The following UGT1A10 variants were observed in gnomAD, a reference collection of about 807,000 sequenced individuals.
UGT1A10 encodes the protein UDP glucuronosyltransferase family 1 member A10.
In UGT1A10, 49 loss-of-function variants were observed where a neutral mutation model predicts 45.8. The observed-to-expected ratio is 1.07, with a 90% CI of 0.85 to 1.36. The LOEUF (loss-of-function observed/expected upper bound fraction) is 1.36. UGT1A10 is among the 40% of genes most tolerant of loss of function. UGT1A10 has a pLI of 0.00. For missense variants in UGT1A10, 745 were observed against 668.6 expected, an observed-to-expected ratio of 1.11 and a Z score of -1.26; for synonymous variants, 284 against 249.7, an observed-to-expected ratio of 1.14 and a Z score of -1.29.
intron 1 of UGT1A10, among the ~76,000 whole-genome samples, chr2:233,732,068 C>T (rs1485941196): frequency 6.6e-6 from 1 of 152,198 alleles, no homozygotes; most frequent in Non-Finnish European, 1.5e-5. Flanking sequence ...TGTCTGTTGG[C>T]TGCATAAATG....
chr2:233,718,145 A>G (rs1314627858), intron 1 of UGT1A10: 1 of 232,528 alleles, frequency 4.3e-6, no homozygotes, highest in Non-Finnish European at 8.9e-6. Flanking sequence ...AATCCTCAAT[A>G]AAGCCTTCCC....
Position 233,724,773 on chromosome 2 carries a change from C to T in UGT1A10, c.856-42261C>T, listed in dbSNP as rs1185900341. 1.4e-5 allele frequency among the ~76,000 whole-genome samples: 2 copies of T among 142,472 alleles called. 1 individual carries two copies. Among genetic ancestry groups the T allele is most frequent in the African/African-American group, 5.4e-5 (2 of 37,242 alleles). 93.5% of individuals were successfully genotyped at this position (142,472 alleles called of 152,430 possible). ...CAGACGATGGGCGGCCAGGCAGAGACACTCCTCACTTCCCAGACGGGGTGG... is the reference window on the plus strand; with the variant it reads ...CAGACGATGGGCGGCCAGGCAGAGATACTCCTCACTTCCCAGACGGGGTGG... On this transcript the variant is annotated intron_variant, in intron 1 of 4. Transcript: ENST00000344644.
At chr2:233,706,570 A>G (rs1030888429) in intron 1 of UGT1A10, among the ~76,000 whole-genome samples, 1 of 152,166 alleles carries the variant, frequency 6.6e-6, no homozygotes, top group African/African-American at 2.4e-5. Context: ...ACCTTAGGGT[A>G]AGAGTGGAGA....
intron 1 of UGT1A10, chr2:233,690,698 A>G (rs1327185756): frequency 8.1e-7 from 1 of 1,235,234 alleles, no homozygotes; most frequent in Non-Finnish European, 1.0e-6. Context: ...GCTACTCTTT[A>G]GGGATCGTCA....
At chr2:233,682,426 C>G in intron 1 of UGT1A10, 2 of 1,613,888 alleles carry the variant, frequency 1.2e-6, no homozygotes, top group Non-Finnish European at 1.7e-6. Flanking sequence ...ATTTCTCCCT[C>G]CCCTCTGTGG....
At chr2:233,670,028 C>T (rs2074150078) in intron 1 of UGT1A10, among the ~76,000 whole-genome samples, 1 of 152,120 alleles carries the variant, frequency 6.6e-6, no homozygotes, top group South Asian at 2.1e-4. Context: ...TATTAATAGC[C>T]TACTGTGCAC....
chr2:233,747,235 C>T, intron 1 of UGT1A10: 2 of 1,604,608 alleles, frequency 1.2e-6, no homozygotes, highest in Non-Finnish European at 1.7e-6. Flanking sequence ...ACCCCAGGTT[C>T]CCCTGCTGTG....
chr2:233,749,719 G>C (rs1207301331), intron 1 of UGT1A10, among the ~76,000 whole-genome samples: 2 of 151,972 alleles, frequency 1.3e-5, no homozygotes, highest in East Asian at 3.9e-4. Context: ...CATGGGGGCA[G>C]TTTCGCACCT....
In UGT1A10 at chr2:233,682,448, G is replaced by A. The variant is rs1174310006; in HGVS notation, c.855+45071G>A. On this transcript the variant is annotated intron_variant, in intron 1 of 4. Coordinates refer to ENST00000344644, the MANE Select transcript of UGT1A10 (RefSeq NM_019075.4). ...CCTCCCCTCTGTGGTCTTCGCCAGG[G>A]GAATATTTTGCCACTATCTTGAAGA... 1.2e-6 allele frequency: 2 copies of A among 1,613,718 alleles called. No homozygotes were observed. The highest frequency in any genetic ancestry group is 2.7e-5 in the African/African-American group (2 of 74,850).
Position 233,720,480 on chromosome 2 carries a change from G to GTCCAAGAAGGGACTTCTGGTGAGGA in UGT1A10, c.856-46542_856-46541insCTTCTGGTGAGGATCCAAGAAGGGA, listed in dbSNP as rs2076862998. Among the ~76,000 whole-genome samples the GTCCAAGAAGGGACTTCTGGTGAGGA allele has an allele frequency of 3.3e-5, 5 of 152,228 alleles. No individual in the cohort carries two copies. In the South Asian group the frequency reaches 1.0e-3, roughly 32 times the overall value. ...TGGGACCAGTGATGAATGGACATGT[G>GTCCAAGAAGGGACTTCTGGTGAGGA]TCCAAGAAGGGAAGTGTTTCTCAGG... On this transcript the variant is annotated intron_variant, in intron 1 of 4. Transcript: ENST00000344644.
intron 1 of UGT1A10, among the ~76,000 whole-genome samples, chr2:233,647,219 T>C (rs993677460): frequency 6.6e-6 from 1 of 152,198 alleles, no homozygotes; most frequent in Non-Finnish European, 1.5e-5. Flanking sequence ...CACGTGGAAA[T>C]TGTGGGAGTT....
intron 1 of UGT1A10, among the ~76,000 whole-genome samples, chr2:233,763,058 A>G (rs1698227162): frequency 6.6e-6 from 1 of 152,176 alleles, no homozygotes. Context: ...ATTGATTTAG[A>G]TAATTTCCTT....
At chr2:233,672,834 G>A in intron 1 of UGT1A10, 1 of 1,553,542 alleles carries the variant, frequency 6.4e-7, no homozygotes, top group Non-Finnish European at 8.7e-7. Context: ...TTCACCTTTG[G>A]AAATTAAAAA....
intron 1 of UGT1A10, among the ~76,000 whole-genome samples, chr2:233,757,535 A>AATATATATACATATAC (rs376887521): frequency 1.6e-3 from 143 of 88,240 alleles, no homozygotes; most frequent in Middle Eastern, 5.7e-3. Flanking sequence ...GCCTGTAAGG[A>AATATATATACATATAC]ATATATATAT....
Position 233,766,262 on chromosome 2 carries a change from C to T in UGT1A10, c.856-772C>T, listed in dbSNP as rs34353734. On this transcript the variant is annotated intron_variant, in intron 1 of 4. Coordinates refer to ENST00000344644, the MANE Select transcript of UGT1A10 (RefSeq NM_019075.4). ...CCCCTGGAGTCAGACCGCTCAGTGG[C>T]CCGGGCTCGGTGGCCCGGGCTCGGT... is the stretch of plus-strand genomic sequence containing the variant. Among the ~76,000 whole-genome samples, 215 of 68,078 alleles carry T rather than the reference C, an allele frequency of 3.2e-3. 2 individuals carry two copies. Among genetic ancestry groups the T allele is most frequent in the African/African-American group, 0.015 (204 of 13,924 alleles). 44.7% of individuals were successfully genotyped at this position (68,078 alleles called of 152,430 possible).
In UGT1A10 at chr2:233,695,130, CTT is replaced by C. The variant is rs71398796; in HGVS notation, c.855+57766_855+57767del. Among the ~76,000 whole-genome samples, 42 of 138,814 alleles carry C rather than the reference CTT, an allele frequency of 3.0e-4. 1 individual carries two copies. Among genetic ancestry groups the C allele is most frequent in the Middle Eastern group, 3.8e-3 (1 of 264 alleles). The allele number at this position is 138,814 out of a possible 152,430, so 91.1% of individuals were successfully genotyped here. A position where few individuals can be genotyped will look rare whatever the true frequency, so the allele number is the denominator to read the frequency against. Reference sequence around the variant, plus strand: ...GCCCATTAACCAACCCTTTTCTTTTCTTTTTTTTTTTTTTGAGACAGAGTCTC... The same window carrying C: ...GCCCATTAACCAACCCTTTTCTTTTCTTTTTTTTTTTTGAGACAGAGTCTC... On this transcript the variant is annotated intron_variant, in intron 1 of 4. Coordinates refer to ENST00000344644, the MANE Select transcript of UGT1A10 (RefSeq NM_019075.4).
intron 1 of UGT1A10, chr2:233,729,268 T>G (rs760988573): frequency 3.1e-5 from 50 of 1,613,984 alleles, no homozygotes; most frequent in Non-Finnish European, 3.5e-5. Context: ...GCGGGAGGTC[T>G]TGCGGGAGCT....
At chr2:233,725,400 G>A (rs1284897270) in intron 1 of UGT1A10, among the ~76,000 whole-genome samples, 1 of 151,356 alleles carries the variant, frequency 6.6e-6, no homozygotes, top group Non-Finnish European at 1.5e-5. Flanking sequence ...TACCTTGATG[G>A]TCTAATACAG....
chr2:233,714,484 G>C (rs1019190472), intron 1 of UGT1A10, among the ~76,000 whole-genome samples: 1 of 152,166 alleles, frequency 6.6e-6, no homozygotes, highest in Admixed American at 6.5e-5. Context: ...AATGTTTCTT[G>C]TGAAGACACT....
Sources: allele counts gnomAD v4.1 joint callset (sites outside exome capture counted in the v4.1 genomes callset), GRCh38; gene constraint gnomAD v4.1.1; transcripts MANE v1.5; gene names NCBI Gene and HGNC (gene_info 2026-07-23, HGNC 2026-07-21).